Variants in STK17B observed in about 807,000 individuals in gnomAD.
STK17B encodes the protein serine/threonine-protein kinase 17B.
A neutral mutation model predicts 42.0 loss-of-function variants in STK17B; 21 were observed. The observed-to-expected ratio is 0.50, with a 90% CI of 0.35 to 0.72. The LOEUF (loss-of-function observed/expected upper bound fraction) is 0.72, where lower values mean the gene tolerates loss of function less well. Among genes scored for constraint, STK17B ranks in the 30% least tolerant of loss-of-function variants. The probability of loss-of-function intolerance (pLI) is 0.00; values close to 1 mark genes in which losing one functional copy is unlikely to be tolerated. For missense variants in STK17B, 349 were observed against 446.0 expected (o/e 0.78, Z 1.96); for synonymous variants, 143 against 148.4 (o/e 0.96, Z 0.26).
chr2:196,148,498 AC>A (rs58396870), intron 3 of STK17B, among the ~76,000 whole-genome samples: 7,062 of 152,274 alleles, frequency 0.046, 385 homozygotes, highest in African/African-American at 0.13. Context: ...TGAAGAAAGA[AC>A]ACTTTAGATT....
rs569959979 is a variant in STK17B, at chr2:196,151,716, C to T, written c.335+4723G>A. Among the ~76,000 whole-genome samples, 4 of 152,156 alleles carry T rather than the reference C, an allele frequency of 2.6e-5. No individual in the cohort carries two copies. In the South Asian group the frequency reaches 8.3e-4, roughly 32 times the overall value. On this transcript the variant is annotated intron_variant, in intron 3 of 7. Transcript: ENST00000263955. ...ACACTTGGTATGGAAAAGTCTTTGT[C>T]TCATGGATAGTGGTGATGGAATGAC...
At chr2:196,170,652 G>A (rs1266556550) in intron 1 of STK17B, among the ~76,000 whole-genome samples, 1 of 152,152 alleles carries the variant, frequency 6.6e-6, no homozygotes, top group Non-Finnish European at 1.5e-5. Flanking sequence ...AAAATCGTTG[G>A]CATCCAGTAG....
Position 196,136,089 on chromosome 2 carries a change from G to C in STK17B, c.*1358C>G, listed in dbSNP as rs148605748. ...AATTTTGAGAAGTTAAAGGTCTAAA[G>C]GGGGAACATCAGGTTGTTGTTACCA... On this transcript the variant is annotated 3_prime_UTR_variant, in exon 8 of 8. Coordinates refer to ENST00000263955, the MANE Select transcript of STK17B (RefSeq NM_004226.4). 1.3e-5 allele frequency: 2 copies of C among 152,172 alleles called. 1 individual carries two copies. Among genetic ancestry groups the C allele is most frequent in the Middle Eastern group, 6.3e-3 (2 of 316 alleles). 9.4% of individuals were successfully genotyped at this position (152,172 alleles called of 1,614,324 possible). A position where few individuals can be genotyped will look rare whatever the true frequency, so the allele number is the denominator to read the frequency against.
chr2:196,175,233 T>A (rs1699987458), upstream of STK17B, among the ~76,000 whole-genome samples: 1 of 152,214 alleles, frequency 6.6e-6, no homozygotes, highest in African/African-American at 2.4e-5. Context: ...CCAATTCAGA[T>A]GCCAAATTTT....
At chr2:196,171,220 G>A (rs541377282) in intron 1 of STK17B, 113 bp downstream of exon 1, 2 of 152,402 alleles carry the variant, frequency 1.3e-5, no homozygotes, top group South Asian at 2.1e-4. Flanking sequence ...CAGCCGGACC[G>A]TACCGCCTAA....
chr2:196,154,362 G>C (rs902648487), intron 3 of STK17B: 4 of 152,196 alleles, frequency 2.6e-5, no homozygotes, highest in African/African-American at 9.7e-5. Context: ...TACACCTTAA[G>C]CATGTTCAAA....
At chr2:196,147,038 T>C (rs1377119201) in intron 3 of STK17B, among the ~76,000 whole-genome samples, 3 of 152,194 alleles carry the variant, frequency 2.0e-5, no homozygotes, top group African/African-American at 7.2e-5. Context: ...TTACCTGCAA[T>C]ATAACTTAGG....
chr2:196,168,313 A>G (rs2105716275), intron 1 of STK17B, among the ~76,000 whole-genome samples: 1 of 152,348 alleles, frequency 6.6e-6, no homozygotes, highest in East Asian at 1.9e-4. Flanking sequence ...AAAAAGAGTT[A>G]AACCTGTTAA....
chr2:196,175,369 T>A (rs935062711), upstream of STK17B, among the ~76,000 whole-genome samples: 1 of 152,232 alleles, frequency 6.6e-6, no homozygotes, highest in Non-Finnish European at 1.5e-5. Flanking sequence ...CTCATATCTG[T>A]AATCCTAGCA....
intron 7 of STK17B, among the ~76,000 whole-genome samples, chr2:196,139,336 A>G (rs1334415386): frequency 6.6e-6 from 1 of 152,204 alleles, no homozygotes; most frequent in African/African-American, 2.4e-5. Flanking sequence ...GTAAATTTCT[A>G]TGACTAATTA....
chr2:196,159,922 T>TTA (rs1474543349), intron 2 of STK17B, among the ~76,000 whole-genome samples: 15 of 152,154 alleles, frequency 9.9e-5, no homozygotes, highest in Admixed American at 9.8e-4. Context: ...TCCAATAAAA[T>TTA]TATATATATG....
rs570693149 is a variant in STK17B at position 196,142,366 on chromosome 2, T to C, written c.608-1069A>G. On this transcript the variant is annotated intron_variant, in intron 5 of 7. Transcript: ENST00000263955. ...AGCCACTGCACCCAGCCAGAAATGC[T>C]AGATTTTCCAGTGAATTAAACATTC... Among the ~76,000 whole-genome samples the C allele has an allele frequency of 2.6e-5, 4 of 152,280 alleles. No homozygotes were observed. In the South Asian group the frequency reaches 8.3e-4, roughly 32 times the overall value.
intron 3 of STK17B, among the ~76,000 whole-genome samples, chr2:196,147,636 C>T (rs1699597278): frequency 6.6e-6 from 1 of 152,118 alleles, no homozygotes; most frequent in South Asian, 2.1e-4. Context: ...CTCTGTAGGA[C>T]AGCTTATAAG....
rs778191487 is a variant in STK17B, at chr2:196,140,576, G to GC, written c.656+672dup. On this transcript the variant is annotated intron_variant, in intron 6 of 7. Coordinates refer to ENST00000263955, the MANE Select transcript of STK17B (RefSeq NM_004226.4). The stretch of plus-strand genomic sequence containing the variant: ...TCTGCTTAACAAATACCTTCTTCTA[G>GC]CTTTTTTTTTTTTTTTTTTTTTTTG... Among the ~76,000 whole-genome samples, 313 of 116,772 alleles carry GC rather than the reference G, an allele frequency of 2.7e-3. 4 individuals carry two copies. The highest frequency in any genetic ancestry group is 4.7e-3 in the Middle Eastern group (1 of 214). 76.6% of individuals were successfully genotyped at this position (116,772 alleles called of 152,430 possible).
chr2:196,137,270 T>A lies in STK17B; in HGVS notation c.*177A>T, dbSNP rs756822972. ...TCTTATCTGCAGAGCTATCTCAGGA[T>A]ATGAAATCATAACATGCTAGCAACT... On this transcript the variant is annotated 3_prime_UTR_variant, in exon 8 of 8. Transcript: ENST00000263955. The A allele has an allele frequency of 5.8e-4, 358 of 621,044 alleles. No individual in the cohort carries two copies. Among genetic ancestry groups the A allele is most frequent in the Non-Finnish European group, 6.6e-4 (252 of 383,126 alleles). 38.5% of individuals were successfully genotyped at this position (621,044 alleles called of 1,614,324 possible).
chr2:196,171,290 A>G (rs2105720589), intron 1 of STK17B, 43 bp downstream of exon 1: 1 of 152,546 alleles, frequency 6.6e-6, no homozygotes, highest in African/African-American at 2.4e-5. Flanking sequence ...GGCTGGTTCC[A>G]TCGCAGCCCC....
chr2:196,155,076 T>C (rs1035579567), intron 3 of STK17B, among the ~76,000 whole-genome samples: 5 of 152,232 alleles, frequency 3.3e-5, no homozygotes, highest in African/African-American at 1.2e-4. Flanking sequence ...GAGGATTTTA[T>C]GAAAATAGTC....
Position 196,163,443 on chromosome 2 carries a change from G to C in STK17B, c.-44-16C>G. On this transcript the variant is annotated splice_polypyrimidine_tract_variant and intron_variant, in intron 1 of 7. Transcript: ENST00000263955. ...TTATTTTTACCTATGCAAAAAAAGA[G>C]AATACAGAGAAAAGATGTTATCTCA... 3 of 1,507,678 alleles carry C rather than the reference G, an allele frequency of 2.0e-6. No individual in the cohort carries two copies. The allele number at this position is 1,507,678 out of a possible 1,614,324, so 93.4% of individuals were successfully genotyped here.
rs1699462180 is a variant in STK17B, at chr2:196,139,537, C to A, written c.836+83G>T. The A allele has an allele frequency of 3.4e-6, 3 of 875,264 alleles. No homozygotes were observed. The East Asian group carries it at 1.0e-4, about 30-fold the overall frequency. 54.2% of individuals were successfully genotyped at this position (875,264 alleles called of 1,614,324 possible). ...TTTATACTATTTTAGAATATACTTTCTTAATAGGTATATATTATTTATTCT... is the reference window on the plus strand; with the variant it reads ...TTTATACTATTTTAGAATATACTTTATTAATAGGTATATATTATTTATTCT... On this transcript the variant is annotated intron_variant, in intron 7 of 7. Transcript: ENST00000263955.
Sources: allele counts gnomAD v4.1 joint callset (sites outside exome capture counted in the v4.1 genomes callset), GRCh38; gene constraint gnomAD v4.1.1; transcripts MANE v1.5; gene names NCBI Gene and HGNC (gene_info 2026-07-23, HGNC 2026-07-21).